The following CENPW variants were observed in gnomAD, a reference collection of about 807,000 sequenced individuals.
The protein encoded by CENPW is cancer-up-regulated gene 2 protein.
In CENPW, 3 loss-of-function variants were observed where a neutral mutation model predicts 11.1. That is an observed-to-expected ratio of 0.27 (90% CI 0.12 to 0.70). The LOEUF (loss-of-function observed/expected upper bound fraction) is 0.70. Among genes scored for constraint, CENPW ranks in the 30% least tolerant of loss-of-function variants. CENPW has a pLI of 0.77. For synonymous variants in CENPW, 38 were observed against 42.0 expected (o/e 0.91, Z 0.37); for missense variants, 100 against 105.6 (o/e 0.95, Z 0.23).
the CENPW span, among the ~76,000 whole-genome samples, chr6:126,453,337 A>C: frequency 1.3e-5 from 2 of 151,092 alleles, no homozygotes; most frequent in Non-Finnish European, 3.0e-5. Context: ...TACAAAGGGA[A>C]CCCCCTTCAT....
the CENPW span, among the ~76,000 whole-genome samples, chr6:126,421,095 CAT>C: frequency 6.6e-6 from 1 of 151,992 alleles, no homozygotes; most frequent in Non-Finnish European, 1.5e-5. Context: ...ATTTGGAAGA[CAT>C]ATTCTCTTAA....
chr6:126,439,323 G>A, the CENPW span, among the ~76,000 whole-genome samples: 2 of 151,590 alleles, frequency 1.3e-5, no homozygotes, highest in East Asian at 1.9e-4. Context: ...GTAGTTCATC[G>A]TAGGGATGAA....
chr6:126,380,912 T>C, the CENPW span, among the ~76,000 whole-genome samples: 4 of 152,240 alleles, frequency 2.6e-5, no homozygotes, highest in Non-Finnish European at 5.9e-5. Flanking sequence ...AGCCAGGATC[T>C]GAACCTTCTC....
the CENPW span, among the ~76,000 whole-genome samples, chr6:126,444,307 C>A: frequency 6.6e-6 from 1 of 150,858 alleles, no homozygotes; most frequent in African/African-American, 2.4e-5. Context: ...TCTTTGGAGA[C>A]TTCTACTACA....
the CENPW span, among the ~76,000 whole-genome samples, chr6:126,397,010 T>C: frequency 6.6e-6 from 1 of 152,002 alleles, no homozygotes; most frequent in Admixed American, 6.6e-5. Flanking sequence ...CAAGATGCAC[T>C]ACATGGGGTT....
the CENPW span, among the ~76,000 whole-genome samples, chr6:126,442,618 C>G: frequency 1.3e-4 from 20 of 151,264 alleles, no homozygotes; most frequent in Non-Finnish European, 2.8e-4. Flanking sequence ...TCATGAGCCT[C>G]TAAGTTTCCC....
At chr6:126,396,894 C>T in the CENPW span, among the ~76,000 whole-genome samples, 5 of 151,884 alleles carry the variant, frequency 3.3e-5, no homozygotes, top group South Asian at 2.1e-4. Context: ...CTGTCTGGTC[C>T]CCTATTATAT....
the CENPW span, among the ~76,000 whole-genome samples, chr6:126,356,041 ACTGT>A: frequency 2.0e-5 from 3 of 152,300 alleles, no homozygotes; most frequent in East Asian, 3.9e-4. Flanking sequence ...AATCTGGATG[ACTGT>A]CTTGATGCTG....
chr6:126,418,181 G>A, the CENPW span, among the ~76,000 whole-genome samples: 2 of 152,200 alleles, frequency 1.3e-5, no homozygotes, highest in African/African-American at 4.8e-5. Flanking sequence ...TTGTGCAGTA[G>A]TCTGGCATTC....
At chr6:126,418,597 G>A in the CENPW span, among the ~76,000 whole-genome samples, 1 of 152,136 alleles carries the variant, frequency 6.6e-6, no homozygotes, top group South Asian at 2.1e-4. Flanking sequence ...AAACCCACAG[G>A]ATGTACAACA....
chr6:126,448,453 C>T, the CENPW span, among the ~76,000 whole-genome samples: 2 of 151,052 alleles, frequency 1.3e-5, no homozygotes. Context: ...AGTTGGAGAA[C>T]ATGTGCACTA....
the CENPW span, among the ~76,000 whole-genome samples, chr6:126,454,782 T>C: frequency 6.6e-6 from 1 of 150,968 alleles, no homozygotes; most frequent in Admixed American, 6.6e-5. Flanking sequence ...AATGAATCCA[T>C]GAGTTGGTTT....
At chr6:126,411,438 G>C in the CENPW span, among the ~76,000 whole-genome samples, 1 of 152,214 alleles carries the variant, frequency 6.6e-6, no homozygotes, top group Non-Finnish European at 1.5e-5. Context: ...AACAGCTGCA[G>C]TGCTGCTGAG....
At chr6:126,471,900 A>G in the CENPW span, among the ~76,000 whole-genome samples, 2 of 152,246 alleles carry the variant, frequency 1.3e-5, no homozygotes, top group African/African-American at 4.8e-5. Context: ...AAGTTGGAAT[A>G]TAAATATATT....
chr6:126,446,509 C>T, the CENPW span, among the ~76,000 whole-genome samples: 1 of 151,060 alleles, frequency 6.6e-6, no homozygotes, highest in African/African-American at 2.4e-5. Context: ...ACCAGAAATC[C>T]TTTTAAATAA....
chr6:126,455,257 A>T, the CENPW span, among the ~76,000 whole-genome samples: 2 of 151,482 alleles, frequency 1.3e-5, no homozygotes, highest in African/African-American at 2.4e-5. Context: ...TGGCAGAGAC[A>T]TAAAAAAAAT....
At chr6:126,427,865 C>T in the CENPW span, among the ~76,000 whole-genome samples, 3 of 152,160 alleles carry the variant, frequency 2.0e-5, no homozygotes, top group African/African-American at 7.2e-5. Flanking sequence ...TTCTTTAAAA[C>T]CTATGTTTGT....
At chr6:126,439,378 G>T in the CENPW span, among the ~76,000 whole-genome samples, 1 of 151,566 alleles carries the variant, frequency 6.6e-6, no homozygotes, top group Non-Finnish European at 1.5e-5. Context: ...ATCCTTCTGG[G>T]CCCACTTGAA....
At chr6:126,411,753 C>G in the CENPW span, among the ~76,000 whole-genome samples, 6 of 152,096 alleles carry the variant, frequency 3.9e-5, no homozygotes, top group African/African-American at 4.8e-5. Flanking sequence ...ATTTGGGAAC[C>G]TGAGCCAATA....
Sources: gnomAD v4.1 joint callset for allele counts (sites outside exome capture counted in the v4.1 genomes callset) on GRCh38, gnomAD v4.1.1 for gene constraint, MANE v1.5 for transcripts, NCBI Gene and HGNC (gene_info 2026-07-23, HGNC 2026-07-21) for gene names.